The following TMPRSS11D variants were observed in gnomAD, a reference collection of about 807,000 sequenced individuals.
The protein encoded by TMPRSS11D is transmembrane serine protease 11D.
A neutral mutation model predicts 44.4 loss-of-function variants in TMPRSS11D; 32 were observed. That is an observed-to-expected ratio of 0.72 (90% CI 0.54 to 0.97). The LOEUF (loss-of-function observed/expected upper bound fraction) is 0.97, where lower values mean the gene tolerates loss of function less well. Ranked by LOEUF, TMPRSS11D falls within the 50% of genes least tolerant of loss-of-function variation. The probability of loss-of-function intolerance (pLI) is 0.00; values close to 1 mark genes in which losing one functional copy is unlikely to be tolerated. For missense variants in TMPRSS11D, 446 were observed against 502.6 expected (o/e 0.89, Z 1.08); for synonymous variants, 179 against 177.9 (o/e 1.01, Z -0.05).
chr4:67,868,483 C>CCAATCTT (rs879612133), intron 1 of TMPRSS11D, among the ~76,000 whole-genome samples: 1 of 152,162 alleles, frequency 6.6e-6, no homozygotes, highest in Non-Finnish European at 1.5e-5. Flanking sequence ...GGAAATGCCA[C>CCAATCTT]CAATCTTCAT....
At chr4:67,879,563 G>A (rs1719273325) in intron 1 of TMPRSS11D, among the ~76,000 whole-genome samples, 1 of 151,916 alleles carries the variant, frequency 6.6e-6, no homozygotes, top group African/African-American at 2.4e-5. Flanking sequence ...TTTGACCCAT[G>A]GGATAAGCAA....
intron 9 of TMPRSS11D, among the ~76,000 whole-genome samples, chr4:67,825,489 C>A (rs1717769176): frequency 6.6e-6 from 1 of 152,028 alleles, no homozygotes; most frequent in South Asian, 2.1e-4. Flanking sequence ...AAATCGAGGT[C>A]TTTCTGATTC....
intron 5 of TMPRSS11D, among the ~76,000 whole-genome samples, chr4:67,836,790 A>C (rs1028410323): frequency 6.6e-6 from 1 of 152,190 alleles, no homozygotes; most frequent in South Asian, 2.1e-4. Flanking sequence ...ACACTGATCA[A>C]TCATTCCAGC....
At chr4:67,873,746 A>T (rs1373806798) in intron 1 of TMPRSS11D, among the ~76,000 whole-genome samples, 1 of 152,142 alleles carries the variant, frequency 6.6e-6, no homozygotes, top group East Asian at 1.9e-4. Flanking sequence ...TGGTCCAAAG[A>T]CTATGTTTTG....
At chr4:67,875,603 G>A (rs1238719606) in intron 1 of TMPRSS11D, among the ~76,000 whole-genome samples, 1 of 152,234 alleles carries the variant, frequency 6.6e-6, no homozygotes, top group Non-Finnish European at 1.5e-5. Context: ...GAGAGACAGC[G>A]CAGCTGAGAG....
intron 3 of TMPRSS11D, among the ~76,000 whole-genome samples, chr4:67,849,685 C>T (rs1202224519): frequency 6.6e-6 from 1 of 151,958 alleles, no homozygotes; most frequent in Admixed American, 6.6e-5. Context: ...AAACTGAGGA[C>T]CAGAAATGAC....
intron 1 of TMPRSS11D, among the ~76,000 whole-genome samples, chr4:67,865,489 A>G (rs1469167971): frequency 6.6e-6 from 1 of 151,946 alleles, no homozygotes. Context: ...TCAGAGCAGA[A>G]CTAAATAAAA....
chr4:67,846,484 G>A (rs1369555136), intron 3 of TMPRSS11D, among the ~76,000 whole-genome samples: 1 of 151,896 alleles, frequency 6.6e-6, no homozygotes, highest in Non-Finnish European at 1.5e-5. Context: ...TCAATACTTG[G>A]CTTTAAGCAT....
At chr4:67,865,816 C>G (rs965867082) in intron 1 of TMPRSS11D, among the ~76,000 whole-genome samples, 2 of 151,662 alleles carry the variant, frequency 1.3e-5, no homozygotes, top group Non-Finnish European at 3.0e-5. Context: ...CCCAAACAGA[C>G]CAATAATGAG....
chr4:67,846,910 ATTT>A (rs35544443), intron 3 of TMPRSS11D, among the ~76,000 whole-genome samples: 2 of 145,430 alleles, frequency 1.4e-5, no homozygotes, highest in Non-Finnish European at 1.5e-5. Flanking sequence ...CTAAAAAGTG[ATTT>A]TTTTTTTTTT....
intron 9 of TMPRSS11D, 30 bp downstream of exon 9, chr4:67,825,702 A>T: frequency 1.9e-6 from 3 of 1,609,854 alleles, no homozygotes; most frequent in Non-Finnish European, 2.5e-6. Context: ...TTCTTGGATG[A>T]TGACATGGAT....
Position 67,827,307 on chromosome 4 carries a change from A to C in TMPRSS11D, c.906T>G (p.Pro302=), listed in dbSNP as rs200097292. 6.8e-6 allele frequency: 11 copies of C among 1,613,156 alleles called. No individual in the cohort carries two copies. The highest frequency in any genetic ancestry group is 9.3e-6 in the Non-Finnish European group (11 of 1,179,526). The part of the protein sequence containing the change: ...CLPAATQNIP[P]GSTAYVTGWG... The stretch of plus-strand genomic sequence containing the variant: ...ATCCTGTTACATAAGCAGTAGAGCC[A>C]GGTGGAATATTCTGGGTAGCAGCTG... Residue 302 remains proline, a synonymous_variant, in exon 8 of 10, where the codon CCT becomes CCG. Coordinates refer to ENST00000283916, the MANE Select transcript of TMPRSS11D (RefSeq NM_004262.3).
chr4:67,829,681 G>T (rs1011831308), intron 7 of TMPRSS11D, among the ~76,000 whole-genome samples: 1 of 151,894 alleles, frequency 6.6e-6, no homozygotes, highest in South Asian at 2.1e-4. Context: ...TAATAAATAA[G>T]CAGAAAAACC....
chr4:67,831,924 A>G (rs1338766150), intron 7 of TMPRSS11D, among the ~76,000 whole-genome samples: 1 of 152,192 alleles, frequency 6.6e-6, no homozygotes, highest in Non-Finnish European at 1.5e-5. Context: ...CTAGTCTTTT[A>G]AATCTTTATT....
chr4:67,832,297 ATTAT>A (rs1332251729), intron 7 of TMPRSS11D, among the ~76,000 whole-genome samples: 1 of 152,108 alleles, frequency 6.6e-6, no homozygotes, highest in African/African-American at 2.4e-5. Flanking sequence ...TCAAATCTCC[ATTAT>A]TTTTCTGGGT....
At chr4:67,844,255 T>C (rs1316815777) in intron 3 of TMPRSS11D, among the ~76,000 whole-genome samples, 1 of 152,148 alleles carries the variant, frequency 6.6e-6, no homozygotes, top group Non-Finnish European at 1.5e-5. Context: ...ATGGTAAAAT[T>C]TATGCAATCT....
In TMPRSS11D at chr4:67,825,714, A is replaced by T. The variant is rs763724726; in HGVS notation, c.1095+18T>A. The T allele has an allele frequency of 1.9e-6, 3 of 1,611,498 alleles. No homozygotes were observed. The highest frequency in any genetic ancestry group is 1.1e-5 in the South Asian group (1 of 90,822). On this transcript the variant is annotated intron_variant, in intron 9 of 9. Transcript: ENST00000283916. ...CACTTCTTGGATGATGACATGGATG[A>T]GATTGTCTTGAGCTTACCTGACATG...
At chr4:67,825,280 G>A (rs1006037121) in intron 9 of TMPRSS11D, among the ~76,000 whole-genome samples, 1 of 151,838 alleles carries the variant, frequency 6.6e-6, no homozygotes, top group South Asian at 2.1e-4. Flanking sequence ...GCAGTTAAAA[G>A]GTTGAGGTTA....
chr4:67,877,813 G>A (rs1560551702), intron 1 of TMPRSS11D, among the ~76,000 whole-genome samples: 1 of 152,104 alleles, frequency 6.6e-6, no homozygotes, highest in Non-Finnish European at 1.5e-5. Flanking sequence ...CTTTATCCAA[G>A]CCACGTTTAT....
Sources: allele counts gnomAD v4.1 joint callset (sites outside exome capture counted in the v4.1 genomes callset), GRCh38; gene constraint gnomAD v4.1.1; transcripts MANE v1.5; gene names NCBI Gene and HGNC (gene_info 2026-07-23, HGNC 2026-07-21).